Variants in TENT4B observed in about 807,000 individuals in gnomAD.
TENT4B encodes the protein PAP associated domain containing 5.
A neutral mutation model predicts 75.0 loss-of-function variants in TENT4B; 10 were observed. That is an observed-to-expected ratio of 0.13 (90% CI 0.08 to 0.23). The LOEUF (loss-of-function observed/expected upper bound fraction) is 0.23. TENT4B is among the 10% of genes least tolerant of loss of function. The pLI is 1.00. For synonymous variants in TENT4B, 350 were observed against 357.7 expected (o/e 0.98, Z 0.24); for missense variants, 579 against 893.8 (o/e 0.65, Z 4.49).
intron 1 of TENT4B, among the ~76,000 whole-genome samples, chr16:50,171,522 C>T (rs888338864): frequency 2.6e-5 from 4 of 152,186 alleles, no homozygotes; most frequent in African/African-American, 9.6e-5. Context: ...GGGCCTTGGT[C>T]TCCCAGATAG....
At chr16:50,197,116 A>C (rs1388485963) in intron 1 of TENT4B, among the ~76,000 whole-genome samples, 1 of 151,518 alleles carries the variant, frequency 6.6e-6, no homozygotes, top group Non-Finnish European at 1.5e-5. Flanking sequence ...CTAAAAAAAA[A>C]ACAAAAAACA....
intron 1 of TENT4B, among the ~76,000 whole-genome samples, chr16:50,172,467 G>A (rs1349114519): frequency 6.6e-6 from 1 of 151,260 alleles, no homozygotes; most frequent in East Asian, 1.9e-4. Flanking sequence ...AATCCCCTGA[G>A]TATATGGAGG....
intron 1 of TENT4B, among the ~76,000 whole-genome samples, chr16:50,159,722 C>A (rs2037968175): frequency 6.6e-6 from 1 of 152,106 alleles, no homozygotes; most frequent in East Asian, 1.9e-4. Flanking sequence ...TCTTAGTGAA[C>A]TAGAACCTTC....
At chr16:50,194,688 C>T (rs1191787617) in intron 1 of TENT4B, among the ~76,000 whole-genome samples, 1 of 151,800 alleles carries the variant, frequency 6.6e-6, no homozygotes, top group Non-Finnish European at 1.5e-5. Context: ...CACCCCCACC[C>T]GCTCCTTTCC....
intron 1 of TENT4B, among the ~76,000 whole-genome samples, chr16:50,195,594 T>C (rs1043997809): frequency 6.6e-6 from 1 of 152,228 alleles, no homozygotes; most frequent in Admixed American, 6.5e-5. Context: ...AAGGAGGCTT[T>C]AAATTATGTC....
chr16:50,203,631 A>C (rs2030784064), intron 1 of TENT4B, among the ~76,000 whole-genome samples: 2 of 151,904 alleles, frequency 1.3e-5, no homozygotes, highest in Non-Finnish European at 2.9e-5. Flanking sequence ...TCTTGGGTCA[A>C]ATTGTCCTCC....
At chr16:50,152,944 G>C, upstream of TENT4B, 2 of 1,504,152 alleles carry the variant, frequency 1.3e-6, no homozygotes, top group Non-Finnish European at 8.8e-7. Context: ...GGGGCGGGCG[G>C]CAACCTCCAT....
At chr16:50,196,495 A>ATCATCG (rs2030259514) in intron 1 of TENT4B, among the ~76,000 whole-genome samples, 1 of 145,102 alleles carries the variant, frequency 6.9e-6, no homozygotes, top group Non-Finnish European at 1.5e-5. Flanking sequence ...CATTATCATC[A>ATCATCG]TCATCATCAT....
upstream of TENT4B, chr16:50,152,948 C>T: frequency 2.0e-6 from 3 of 1,505,136 alleles, no homozygotes; most frequent in East Asian, 2.7e-5. Context: ...CGGGCGGCAA[C>T]CTCCATGCGG....
At chr16:50,224,593 C>A in intron 7 of TENT4B, 64 bp from the exon 8 acceptor site, 1 of 1,593,022 alleles carries the variant, frequency 6.3e-7, no homozygotes, top group South Asian at 1.1e-5. Context: ...GGAAGAGAGT[C>A]ATCAACATTT....
rs1360384091 is a variant in TENT4B, at chr16:50,234,409, C to G, written c.*5081C>G. On this transcript the variant is annotated 3_prime_UTR_variant, in exon 12 of 12. Coordinates refer to ENST00000561678, the MANE Select transcript of TENT4B (RefSeq NM_001365324.3). The stretch of plus-strand genomic sequence containing the variant: ...CTCTTAGAGGTTAGGCCATGCCTTT[C>G]AAAGAGAGTGAAATGATGGGTTATC... 1.0e-6 allele frequency: 1 copy of G among 985,324 alleles called. No individual in the cohort carries two copies. Among genetic ancestry groups the G allele is most frequent in the African/African-American group, 1.7e-5 (1 of 57,242 alleles). 61.0% of individuals were successfully genotyped at this position (985,324 alleles called of 1,614,324 possible).
intron 1 of TENT4B, among the ~76,000 whole-genome samples, chr16:50,187,880 GA>G (rs1054248799): frequency 1.1e-4 from 17 of 150,226 alleles, no homozygotes; most frequent in African/African-American, 3.9e-4. Context: ...AAAAAAAGAA[GA>G]AAAAAAAACC....
At chr16:50,163,766 A>ATG (rs2038045301) in intron 1 of TENT4B, among the ~76,000 whole-genome samples, 3 of 151,770 alleles carry the variant, frequency 2.0e-5, no homozygotes, top group Admixed American at 1.3e-4. Context: ...ATATATATAT[A>ATG]TATTTTATGT....
At chr16:50,195,923 G>GA (rs2030208842) in intron 1 of TENT4B, among the ~76,000 whole-genome samples, 1 of 152,162 alleles carries the variant, frequency 6.6e-6, no homozygotes, top group African/African-American at 2.4e-5. Flanking sequence ...GCATTATTTT[G>GA]ATAAAGTTCT....
chr16:50,158,884 C>T (rs989327287), intron 1 of TENT4B, among the ~76,000 whole-genome samples: 14 of 152,246 alleles, frequency 9.2e-5, no homozygotes, highest in African/African-American at 3.4e-4. Context: ...GGAGATGATT[C>T]AGATTCCTTA....
intron 1 of TENT4B, among the ~76,000 whole-genome samples, chr16:50,167,421 T>C (rs1048234156): frequency 1.3e-5 from 2 of 151,238 alleles, no homozygotes; most frequent in Non-Finnish European, 2.9e-5. Flanking sequence ...TTTTTTTTTT[T>C]CTTAAATAAT....
At chr16:50,211,526 T>G in intron 2 of TENT4B, 80 bp downstream of exon 2, 1 of 1,414,266 alleles carries the variant, frequency 7.1e-7, no homozygotes, top group African/African-American at 1.5e-5. Context: ...TATCTCATGC[T>G]AGTCCTCACA....
At chr16:50,228,924 G>A (rs553220463) in intron 11 of TENT4B, among the ~76,000 whole-genome samples, 2 of 152,160 alleles carry the variant, frequency 1.3e-5, no homozygotes, top group Non-Finnish European at 2.9e-5. Flanking sequence ...GAAGGCGGGC[G>A]AGTGGTCTAT....
At chr16:50,195,945 A>C (rs2030209408) in intron 1 of TENT4B, among the ~76,000 whole-genome samples, 1 of 152,220 alleles carries the variant, frequency 6.6e-6, no homozygotes, top group Non-Finnish European at 1.5e-5. Context: ...TGTTGTCTAC[A>C]ATAGATATAG....
Sources: allele counts gnomAD v4.1 joint callset (sites outside exome capture counted in the v4.1 genomes callset), GRCh38; gene constraint gnomAD v4.1.1; transcripts MANE v1.5; gene names NCBI Gene and HGNC (gene_info 2026-07-23, HGNC 2026-07-21).